Variants in GLCCI1 observed in about 807,000 individuals in gnomAD.
GLCCI1 encodes glucocorticoid induced 1, also known as glucocorticoid-induced transcript 1 protein.
GLCCI1 carries 24 observed loss-of-function variants against 52.2 expected under a neutral mutation model. The ratio of observed to expected loss-of-function variants is 0.46; its 90% CI spans 0.33 to 0.65. The LOEUF (loss-of-function observed/expected upper bound fraction) is 0.65. GLCCI1 is among the 30% of genes least tolerant of loss of function. GLCCI1 has a pLI of 0.02. For missense variants in GLCCI1, 704 were observed against 701.5 expected (o/e 1.00, Z -0.04); for synonymous variants, 310 against 276.5 (o/e 1.12, Z -1.20).
chr7:8,071,666 A>G (rs936170354), intron 6 of GLCCI1, among the ~76,000 whole-genome samples: 2 of 152,132 alleles, frequency 1.3e-5, no homozygotes, highest in African/African-American at 2.4e-5. Flanking sequence ...CTTATTTCCT[A>G]TCAAGCCCAA....
At chr7:8,054,911 T>G (rs1584004379) in intron 3 of GLCCI1, among the ~76,000 whole-genome samples, 1 of 151,682 alleles carries the variant, frequency 6.6e-6, no homozygotes, top group Non-Finnish European at 1.5e-5. Flanking sequence ...CAGAGTAATA[T>G]ATATAGTAAT....
At position 7,969,571 on chromosome 7, in the gene GLCCI1, G is replaced by C. The variant is rs770228032; in HGVS notation, c.221G>C (p.Arg74Pro). ...GCCACGGTGCCCTACCAGCTCTTGC[G>C]GGGCAGCCAGCACAGTCCCACGCGT... The part of the protein sequence containing the change: ...IRATVPYQLL[R>P]GSQHSPTRPP... The change falls in exon 1 of 8, where the codon CGG becomes CCG. Residue 74 changes from arginine (R) to proline (P), a missense_variant. Physicochemically the swap from Arg to Pro is moderately radical, Grantham distance 103 (BLOSUM62 -2). This residue lies in a region of GLCCI1 where 547 missense variants were observed against 524.8 expected (regional missense o/e 1.04). Coordinates refer to ENST00000223145, the MANE Select transcript of GLCCI1 (RefSeq NM_138426.4). The surrounding 1 kb of genome is among the most constrained non-coding windows in gnomAD (Gnocchi z 4.9). The C allele has an allele frequency of 2.0e-6, 2 of 1,012,666 alleles. No individual in the cohort carries two copies. The highest frequency in any genetic ancestry group is 2.4e-6 in the Non-Finnish European group (2 of 849,032). 62.7% of individuals were successfully genotyped at this position (1,012,666 alleles called of 1,614,324 possible). A position where few individuals can be genotyped will look rare whatever the true frequency, so the allele number is the denominator to read the frequency against.
At chr7:8,021,931 T>C (rs1379740193) in intron 2 of GLCCI1, among the ~76,000 whole-genome samples, 1 of 152,204 alleles carries the variant, frequency 6.6e-6, no homozygotes, top group Non-Finnish European at 1.5e-5. Context: ...ATTTTACTGT[T>C]TTTAATCTTT....
intron 2 of GLCCI1, among the ~76,000 whole-genome samples, chr7:8,019,982 A>T (rs1001009826): frequency 1.3e-5 from 2 of 152,190 alleles, no homozygotes; most frequent in East Asian, 3.8e-4. Flanking sequence ...CACTAAGTTT[A>T]TAACAAATAC....
chr7:8,066,524 T>C (rs1470686632), intron 5 of GLCCI1, among the ~76,000 whole-genome samples: 1 of 151,594 alleles, frequency 6.6e-6, no homozygotes, highest in Non-Finnish European at 1.5e-5. Context: ...CTTTAGAGCT[T>C]GTAAATTTCC....
chr7:7,998,247 G>A (rs1489284727), intron 1 of GLCCI1, among the ~76,000 whole-genome samples: 3 of 149,994 alleles, frequency 2.0e-5, no homozygotes, highest in African/African-American at 2.4e-5. Flanking sequence ...ACGGAGTCTC[G>A]CTCTTGTCAC....
At chr7:7,989,531 A>G (rs1023287488) in intron 1 of GLCCI1, among the ~76,000 whole-genome samples, 1 of 152,140 alleles carries the variant, frequency 6.6e-6, no homozygotes, top group African/African-American at 2.4e-5. Flanking sequence ...AGCCTCACAT[A>G]AAGAATATTA....
intron 3 of GLCCI1, among the ~76,000 whole-genome samples, chr7:8,043,697 T>C (rs1330785909): frequency 2.0e-5 from 3 of 152,146 alleles, no homozygotes; most frequent in African/African-American, 7.2e-5. Context: ...AATTTTACTA[T>C]TAAAATGGAT....
intron 2 of GLCCI1, among the ~76,000 whole-genome samples, chr7:8,019,148 G>A (rs1017782064): frequency 4.1e-4 from 63 of 152,128 alleles, no homozygotes; most frequent in African/African-American, 1.5e-3. Flanking sequence ...TTAAAAATCA[G>A]TGATCAGTGT....
intron 1 of GLCCI1, among the ~76,000 whole-genome samples, chr7:7,976,402 C>T (rs956537979): frequency 4.5e-5 from 6 of 134,144 alleles, no homozygotes; most frequent in Admixed American, 8.7e-5. Context: ...TTGCTTGAAC[C>T]TGGGAGGTGG....
intron 3 of GLCCI1, among the ~76,000 whole-genome samples, chr7:8,042,292 T>C (rs1483081108): frequency 1.3e-5 from 2 of 152,250 alleles, no homozygotes; most frequent in Admixed American, 6.5e-5. Flanking sequence ...TAGATAATGA[T>C]TCCTTTGATG....
chr7:8,014,088 C>G (rs1424533539), intron 2 of GLCCI1, among the ~76,000 whole-genome samples: 1 of 150,918 alleles, frequency 6.6e-6, no homozygotes, highest in East Asian at 1.9e-4. Context: ...CTTCTAGGTT[C>G]AAGTGATTCT....
intron 3 of GLCCI1, among the ~76,000 whole-genome samples, chr7:8,037,224 TTGGG>T (rs1220675189): frequency 6.6e-6 from 1 of 152,148 alleles, no homozygotes; most frequent in African/African-American, 2.4e-5. Context: ...CCAGAAGAGG[TTGGG>T]TGCCTAATTT....
At chr7:8,003,828 A>G (rs1781093591) in intron 1 of GLCCI1, 80 bp from the exon 2 acceptor site, 1 of 1,287,688 alleles carries the variant, frequency 7.8e-7, no homozygotes, top group South Asian at 1.4e-5. Flanking sequence ...ACAGGATGAC[A>G]TTCTACAAAC....
intron 2 of GLCCI1, among the ~76,000 whole-genome samples, chr7:8,018,830 G>A (rs1781427231): frequency 6.6e-6 from 1 of 152,030 alleles, no homozygotes; most frequent in South Asian, 2.1e-4. Flanking sequence ...TTTAACTGTG[G>A]AACCCTTTTT....
At chr7:8,009,281 A>C (rs1431045961) in intron 2 of GLCCI1, among the ~76,000 whole-genome samples, 1 of 152,242 alleles carries the variant, frequency 6.6e-6, no homozygotes, top group Non-Finnish European at 1.5e-5. Context: ...ATAATAAAAC[A>C]GTAATGTTTC....
chr7:8,037,925 A>C (rs1781902984), intron 3 of GLCCI1, among the ~76,000 whole-genome samples: 1 of 152,210 alleles, frequency 6.6e-6, no homozygotes, highest in African/African-American at 2.4e-5. Context: ...ACAGATAGTA[A>C]TACAATAATA....
chr7:8,060,149 A>G lies in GLCCI1; in HGVS notation c.867A>G (p.Lys289=), dbSNP rs200617169. ...CACTGTCAAATATATCAGTGCCAAAATCATCTGTTTCGCGTGTGCCCTGCA... is the reference window on the plus strand; with the variant it reads ...CACTGTCAAATATATCAGTGCCAAAGTCATCTGTTTCGCGTGTGCCCTGCA... ...PMPLSNISVP[K]SSVSRVPCNV... The change falls in exon 5 of 8, where the codon AAA becomes AAG. Residue 289 remains lysine (K), a synonymous_variant. Coordinates refer to ENST00000223145, the MANE Select transcript of GLCCI1 (RefSeq NM_138426.4). 1.1e-5 allele frequency: 17 copies of G among 1,613,850 alleles called. No individual in the cohort carries two copies. The Admixed American group carries it at 1.5e-4, about 14-fold the overall frequency.
chr7:7,985,918 G>T (rs1197896722), intron 1 of GLCCI1, among the ~76,000 whole-genome samples: 3 of 152,124 alleles, frequency 2.0e-5, no homozygotes, highest in Non-Finnish European at 4.4e-5. Context: ...AACAAGCATT[G>T]AAAAGTATAA....
Sources: allele counts gnomAD v4.1 joint callset (sites outside exome capture counted in the v4.1 genomes callset), GRCh38; gene constraint gnomAD v4.1.1; regional missense constraint gnomAD v4.1.1; non-coding constraint Gnocchi (gnomAD v3.1); transcripts MANE v1.5; gene names NCBI Gene and HGNC (gene_info 2026-07-23, HGNC 2026-07-21).